The following CHD7 variants were observed in gnomAD, a reference collection of about 807,000 sequenced individuals.
CHD7 encodes chromodomain helicase DNA binding protein 7.
CHD7 carries 24 observed loss-of-function variants against 307.3 expected under a neutral mutation model. The ratio of observed to expected loss-of-function variants is 0.08; its 90% CI spans 0.06 to 0.11. The LOEUF is 0.11. Among genes scored for constraint, CHD7 ranks in the 10% least tolerant of loss-of-function variants. CHD7 has a pLI of 1.00. For synonymous variants in CHD7, 1,363 were observed against 1,349.9 expected (o/e 1.01, Z -0.21); for missense variants, 3,106 against 3,727.1 (o/e 0.83, Z 4.34).
In CHD7 at chr8:60,836,126, C is replaced by T; in HGVS notation, c.3832C>T (p.Pro1278Ser). ...EFKETHNAESPDFQLQAMIQA... is the reference protein window; with the variant it reads ...EFKETHNAESSDFQLQAMIQA... ...TAAAGAAACACACAATGCAGAGTCTCCAGATTTTCAGCTCCAGGCAATGAT... is the reference window on the plus strand; with the variant it reads ...TAAAGAAACACACAATGCAGAGTCTTCAGATTTTCAGCTCCAGGCAATGAT... The change falls in exon 16 of 38, where the codon CCA becomes TCA. Residue 1278 changes from proline to serine, a missense_variant. Physicochemically the swap from Pro to Ser is moderately conservative, Grantham distance 74. Transcript: ENST00000423902. 6.2e-7 allele frequency: 1 copy of T among 1,613,422 alleles called. No homozygotes were observed. Among genetic ancestry groups the T allele is most frequent in the East Asian group, 2.2e-5 (1 of 44,868 alleles).
At chr8:60,818,615 G>A (rs1251911074) in intron 8 of CHD7, among the ~76,000 whole-genome samples, 2 of 152,098 alleles carry the variant, frequency 1.3e-5, no homozygotes, top group East Asian at 1.9e-4. Flanking sequence ...CTACCTCTGT[G>A]TAAAAGCCTG....
chr8:60,701,593 A>G (rs1806764255), intron 1 of CHD7, among the ~76,000 whole-genome samples: 2 of 152,152 alleles, frequency 1.3e-5, no homozygotes, highest in African/African-American at 2.4e-5. Flanking sequence ...GTAACTGTCT[A>G]CCTTATATAA....
At chr8:60,688,067 G>A (rs1182617975) in intron 1 of CHD7, among the ~76,000 whole-genome samples, 1 of 152,158 alleles carries the variant, frequency 6.6e-6, no homozygotes. Flanking sequence ...GTAGTTGTGG[G>A]GCCATATGTC....
intron 2 of CHD7, among the ~76,000 whole-genome samples, chr8:60,749,823 G>C (rs577083938): frequency 6.6e-6 from 1 of 152,300 alleles, no homozygotes; most frequent in South Asian, 2.1e-4. Context: ...GCCTTTACTG[G>C]TCTCTCTTTC....
chr8:60,740,532 T>C (rs916610687), intron 1 of CHD7, among the ~76,000 whole-genome samples: 4 of 152,232 alleles, frequency 2.6e-5, no homozygotes, highest in South Asian at 4.1e-4. Flanking sequence ...TTGGTCGTCT[T>C]GGACAATGAA....
intron 1 of CHD7, among the ~76,000 whole-genome samples, chr8:60,739,018 G>A (rs998999440): frequency 6.6e-6 from 1 of 152,132 alleles, no homozygotes; most frequent in African/African-American, 2.4e-5. Flanking sequence ...TAAAAAGTTA[G>A]CACCAACTTC....
chr8:60,858,537 G>A (rs917363055), intron 34 of CHD7, among the ~76,000 whole-genome samples: 2 of 152,140 alleles, frequency 1.3e-5, no homozygotes, highest in Non-Finnish European at 2.9e-5. Flanking sequence ...TTAACAAATT[G>A]GGAAGTTTCT....
chr8:60,850,746 C>A lies in CHD7; in HGVS notation c.5534+124C>A, dbSNP rs1049050667. On this transcript the variant is annotated intron_variant, in intron 26 of 37. Transcript: ENST00000423902. Reference sequence around the variant, plus strand: ...TGATTTGAAGTTCAGGAGATGTTTACCAGTCTACTCTATTTGTATGTCGTA... The same window carrying A: ...TGATTTGAAGTTCAGGAGATGTTTAACAGTCTACTCTATTTGTATGTCGTA... The A allele has an allele frequency of 3.2e-6, 3 of 947,178 alleles. No individual in the cohort carries two copies. The African/African-American group carries it at 4.9e-5, about 15-fold the overall frequency. The allele number at this position is 947,178 out of a possible 1,614,324, so 58.7% of individuals were successfully genotyped here.
chr8:60,789,355 T>C (rs1811660186), intron 3 of CHD7, among the ~76,000 whole-genome samples: 1 of 152,246 alleles, frequency 6.6e-6, no homozygotes, highest in South Asian at 2.1e-4. Context: ...TTTCAGTCTT[T>C]AAAAGATTAT....
chr8:60,823,788 G>T, intron 12 of CHD7, 52 bp from the exon 13 acceptor site: 1 of 1,445,324 alleles, frequency 6.9e-7, no homozygotes, highest in Non-Finnish European at 9.7e-7. Context: ...CATCCTTAAA[G>T]TTATTTATGT....
intron 1 of CHD7, among the ~76,000 whole-genome samples, chr8:60,738,100 A>G (rs112551419): frequency 1.6e-3 from 247 of 152,304 alleles, no homozygotes; most frequent in African/African-American, 5.6e-3. Context: ...CTAATTTGTT[A>G]TTTCTGTTTC....
chr8:60,850,932 A>C, intron 26 of CHD7, 100 bp from the exon 27 acceptor site: 1 of 829,204 alleles, frequency 1.2e-6, no homozygotes, highest in East Asian at 2.7e-5. Flanking sequence ...CCCATAATTA[A>C]AAGTAGCACT....
chr8:60,740,451 G>A (rs1222666875), intron 1 of CHD7, among the ~76,000 whole-genome samples: 1 of 152,240 alleles, frequency 6.6e-6, no homozygotes, highest in Non-Finnish European at 1.5e-5. Context: ...GGTGAATAAT[G>A]AGCCTGGTGA....
chr8:60,751,911 C>T (rs188706051), intron 2 of CHD7, among the ~76,000 whole-genome samples: 122 of 152,278 alleles, frequency 8.0e-4, no homozygotes, highest in African/African-American at 2.9e-3. Context: ...TTATCCTGGA[C>T]AATTTCCAGG....
chr8:60,822,188 GTTCCT>G (rs1382680259), intron 11 of CHD7, 43 bp downstream of exon 11: 1 of 1,521,314 alleles, frequency 6.6e-7, no homozygotes, highest in African/African-American at 1.4e-5. Flanking sequence ...TATATCTGTA[GTTCCT>G]TTCCTTTAGT....
chr8:60,819,406 A>G (rs1803914678), intron 8 of CHD7, among the ~76,000 whole-genome samples: 1 of 152,216 alleles, frequency 6.6e-6, no homozygotes, highest in Non-Finnish European at 1.5e-5. Flanking sequence ...TTTTGCCTAA[A>G]CACACTATAT....
chr8:60,858,695 A>G (rs539837632), intron 34 of CHD7, among the ~76,000 whole-genome samples: 1 of 152,286 alleles, frequency 6.6e-6, no homozygotes, highest in East Asian at 1.9e-4. Context: ...GCAGCCTCCA[A>G]CTTCTGGGCT....
chr8:60,839,070 C>T (rs914045177), intron 19 of CHD7, among the ~76,000 whole-genome samples: 8 of 152,340 alleles, frequency 5.3e-5, no homozygotes, highest in Admixed American at 4.6e-4. Context: ...TGCTCATTAG[C>T]AATCATTCCC....
intron 15 of CHD7, among the ~76,000 whole-genome samples, chr8:60,835,670 T>C (rs957401269): frequency 6.6e-6 from 1 of 152,226 alleles, no homozygotes; most frequent in African/African-American, 2.4e-5. Flanking sequence ...GAACAGATTT[T>C]GTTGTTTGTG....
Sources: gnomAD v4.1 joint callset for allele counts (sites outside exome capture counted in the v4.1 genomes callset) on GRCh38, gnomAD v4.1.1 for gene constraint, MANE v1.5 for transcripts, NCBI Gene and HGNC (gene_info 2026-07-23, HGNC 2026-07-21) for gene names.